Variants in ANO4 observed in about 807,000 individuals in gnomAD.
The protein encoded by ANO4 is anoctamin 4.
ANO4 carries 69 observed loss-of-function variants against 141.9 expected under a neutral mutation model. That is an observed-to-expected ratio of 0.49 (90% CI 0.40 to 0.59). The LOEUF (loss-of-function observed/expected upper bound fraction) is 0.59. ANO4 is among the 20% of genes least tolerant of loss of function. ANO4 has a pLI of 0.00. For missense variants in ANO4, 894 were observed against 1,162.2 expected (o/e 0.77, Z 3.36); for synonymous variants, 350 against 394.3 (o/e 0.89, Z 1.33).
chr12:100,887,563 G>A (rs2135978024), intron 1 of ANO4, among the ~76,000 whole-genome samples: 1 of 148,712 alleles, frequency 6.7e-6, no homozygotes. Flanking sequence ...TTGATGTCAT[G>A]TCCTCCTGCG....
chr12:100,833,667 T>A (rs960918855), intron 1 of ANO4, among the ~76,000 whole-genome samples: 3 of 152,098 alleles, frequency 2.0e-5, no homozygotes, highest in African/African-American at 7.2e-5. Flanking sequence ...GCTCCACCTT[T>A]GTCTTACTAG....
chr12:100,809,194 C>A (rs1223534898), intron 1 of ANO4, among the ~76,000 whole-genome samples: 1 of 152,088 alleles, frequency 6.6e-6, no homozygotes, highest in Non-Finnish European at 1.5e-5. Flanking sequence ...CCAGACCCAC[C>A]TGGCCAACAT....
chr12:100,914,121 A>G (rs1156242387), intron 2 of ANO4, among the ~76,000 whole-genome samples: 1 of 152,216 alleles, frequency 6.6e-6, no homozygotes, highest in African/African-American at 2.4e-5. Flanking sequence ...TGCTATTTGA[A>G]GCTTTGCAAT....
intron 2 of ANO4, among the ~76,000 whole-genome samples, 154 bp downstream of exon 2, chr12:100,901,994 A>G (rs548618279): frequency 6.6e-6 from 1 of 152,324 alleles, no homozygotes; most frequent in African/African-American, 2.4e-5. Context: ...ACCTCAGTCA[A>G]TGGTAAATAT....
intron 17 of ANO4, among the ~76,000 whole-genome samples, chr12:101,088,530 A>ATT (rs1218681350): frequency 6.7e-6 from 1 of 149,418 alleles, no homozygotes. Flanking sequence ...TTGTTTGTTT[A>ATT]TTTTTTTTTC....
intron 1 of ANO4, among the ~76,000 whole-genome samples, chr12:100,894,769 A>G (rs2040263423): frequency 6.6e-6 from 1 of 151,976 alleles, no homozygotes; most frequent in African/African-American, 2.4e-5. Context: ...GATTGAGACC[A>G]TCCCGGCTAA....
chr12:100,753,168 ATAG>A (rs1203157501), intron 3 of ANO4, among the ~76,000 whole-genome samples: 1 of 152,198 alleles, frequency 6.6e-6, no homozygotes, highest in Non-Finnish European at 1.5e-5. Flanking sequence ...GTATTTGCTA[ATAG>A]TTCATCAGCC....
chr12:100,718,473 C>T lies in ANO4; in HGVS notation c.22+926C>T, dbSNP rs140328770. Among the ~76,000 whole-genome samples, 212 of 152,298 alleles carry T rather than the reference C, an allele frequency of 1.4e-3. 1 individual carries two copies. Among genetic ancestry groups the T allele is most frequent in the African/African-American group, 5.0e-3 (207 of 41,554 alleles). On this transcript the variant is annotated intron_variant, in intron 1 of 29. Coordinates refer to the ANO4 transcript ENST00000644049. ...ATTGATGGGGAATGTTCTGCAGGGA[C>T]ATCTCAAAGCCTGGGATGGGTGGGA...
chr12:100,805,436 C>CT (rs1565889966), intron 1 of ANO4, among the ~76,000 whole-genome samples: 1 of 152,016 alleles, frequency 6.6e-6, no homozygotes, highest in Non-Finnish European at 1.5e-5. Context: ...TATTTGGGTT[C>CT]TTTTTTGGTT....
intron 1 of ANO4, among the ~76,000 whole-genome samples, chr12:100,817,198 A>T (rs1258239182): frequency 6.6e-6 from 1 of 151,952 alleles, no homozygotes; most frequent in African/African-American, 2.4e-5. Context: ...AGATTAAAAA[A>T]TGCTTGATTA....
At chr12:100,879,750 A>G (rs912983198) in intron 1 of ANO4, among the ~76,000 whole-genome samples, 2 of 152,188 alleles carry the variant, frequency 1.3e-5, no homozygotes, top group African/African-American at 2.4e-5. Flanking sequence ...ATCCTTCCAC[A>G]GGAATTTATT....
chr12:100,958,072 C>G (rs1279345052), intron 5 of ANO4, among the ~76,000 whole-genome samples: 4 of 152,174 alleles, frequency 2.6e-5, no homozygotes, highest in Non-Finnish European at 5.9e-5. Flanking sequence ...AGTTCATCAT[C>G]ATGACCACTC....
intron 22 of ANO4, among the ~76,000 whole-genome samples, chr12:101,103,060 C>A (rs1260458994): frequency 1.3e-5 from 2 of 150,496 alleles, no homozygotes; most frequent in Non-Finnish European, 3.0e-5. Flanking sequence ...TTTGCTTATG[C>A]AAACTTGCTA....
intron 1 of ANO4, among the ~76,000 whole-genome samples, chr12:100,796,282 A>G (rs1213303615): frequency 6.6e-6 from 1 of 152,082 alleles, no homozygotes; most frequent in African/African-American, 2.4e-5. Flanking sequence ...TTTTGTGATA[A>G]GTGAGGGGAG....
chr12:100,831,390 T>G (rs2036623840), intron 1 of ANO4, among the ~76,000 whole-genome samples: 1 of 152,136 alleles, frequency 6.6e-6, no homozygotes, highest in Non-Finnish European at 1.5e-5. Context: ...TTTCTTTTGA[T>G]TTTCTGTTTT....
In ANO4 at chr12:101,037,095, G is replaced by A. The variant is rs1359772420; in HGVS notation, c.842G>A (p.Gly281Asp). ...IKYEEGKNKI[G>D]LNRLLTNGSY... ...CAAATGGACTTATTTGCTGTTTTAGGTCTGAATCGTTTGCTTACCAATGGC... is the reference window on the plus strand; with the variant it reads ...CAAATGGACTTATTTGCTGTTTTAGATCTGAATCGTTTGCTTACCAATGGC... The change falls in exon 10 of 28, where the codon GGT becomes GAT. Residue 281 changes from glycine to aspartate, a missense_variant and splice_region_variant. Gly to Asp is a moderately conservative substitution (Grantham distance 94, BLOSUM62 -1). Coordinates refer to ENST00000392977, the MANE Select transcript of ANO4 (RefSeq NM_001286615.2). The A allele has an allele frequency of 8.7e-6, 14 of 1,613,800 alleles. No individual in the cohort carries two copies. Among genetic ancestry groups the A allele is most frequent in the Non-Finnish European group, 1.1e-5 (13 of 1,179,824 alleles).
At chr12:100,995,609 A>G (rs1479013179) in intron 8 of ANO4, among the ~76,000 whole-genome samples, 8 of 152,176 alleles carry the variant, frequency 5.3e-5, no homozygotes, top group Admixed American at 3.3e-4. Flanking sequence ...GCATTGACCC[A>G]TTTCTTTGCA....
At chr12:101,058,494 G>C (rs948505986) in intron 14 of ANO4, among the ~76,000 whole-genome samples, 44 of 152,274 alleles carry the variant, frequency 2.9e-4, no homozygotes, top group African/African-American at 9.9e-4. Context: ...CTATCCATAA[G>C]CATGGAATAT....
chr12:100,833,093 A>G lies in ANO4; in HGVS notation c.-141+38066A>G, dbSNP rs73387665. Among the ~76,000 whole-genome samples, 712 of 152,214 alleles carry G rather than the reference A, an allele frequency of 4.7e-3. 5 individuals carry two copies. The highest frequency in any genetic ancestry group is 0.016 in the African/African-American group (670 of 41,554). On this transcript the variant is annotated intron_variant, in intron 1 of 27. Coordinates refer to ENST00000392977, the MANE Select transcript of ANO4 (RefSeq NM_001286615.2). ...TATTTGTGAACACTAGAACTTCCAT[A>G]TGGAAGGGACTGGGGGAGAGGATGC...
Sources: gnomAD v4.1 joint callset for allele counts (sites outside exome capture counted in the v4.1 genomes callset) on GRCh38, gnomAD v4.1.1 for gene constraint, MANE v1.5 for transcripts, NCBI Gene and HGNC (gene_info 2026-07-23, HGNC 2026-07-21) for gene names.